Variants in PLB1 observed in about 807,000 individuals in gnomAD.
PLB1 encodes the protein phospholipase B1.
Under a neutral mutation model 227.4 loss-of-function variants are expected in PLB1, and 242 were observed. The ratio of observed to expected loss-of-function variants is 1.06; its 90% CI spans 0.96 to 1.18. The LOEUF is 1.18. Ranked by LOEUF, PLB1 falls within the 50% of genes most tolerant of loss-of-function variation. The pLI, the probability that PLB1 is intolerant of heterozygous loss-of-function variation, is 0.00. For missense variants in PLB1, 1,858 were observed against 1,816.3 expected (o/e 1.02, Z -0.42); for synonymous variants, 757 against 682.2 (o/e 1.11, Z -1.71).
At chr2:28,632,424 T>C (rs1573575577) in intron 55 of PLB1, among the ~76,000 whole-genome samples, 1 of 152,204 alleles carries the variant, frequency 6.6e-6, no homozygotes, top group African/African-American at 2.4e-5. Context: ...TGTTACTCTT[T>C]TCAACTCTTA....
intron 4 of PLB1, among the ~76,000 whole-genome samples, chr2:28,524,844 C>CTTTTTTTTTTTTT (rs779955635): frequency 9.4e-6 from 1 of 106,598 alleles, no homozygotes; most frequent in African/African-American, 3.9e-5. Context: ...CTCTCTCTCT[C>CTTTTTTTTTTTTT]TTTTTTTTTT....
rs1235761383 is a variant in PLB1, at chr2:28,582,014, TG to T, written c.1567-53del. 18 of 1,525,782 alleles carry T rather than the reference TG, an allele frequency of 1.2e-5. No homozygotes were observed. In the Admixed American group the frequency reaches 3.0e-4, roughly 26 times the overall value. The allele number at this position is 1,525,782 out of a possible 1,614,324, so 94.5% of individuals were successfully genotyped here. On this transcript the variant is annotated intron_variant, in intron 23 of 57. Transcript: ENST00000327757. Reference sequence around the variant, plus strand: ...CCCAAGAGAGAAAGTAGCCCTGTTCTGTAGAGAGATTAGGTGACAAATGGTG... The same window carrying T: ...CCCAAGAGAGAAAGTAGCCCTGTTCTTAGAGAGATTAGGTGACAAATGGTG...
At chr2:28,577,881 C>A (rs1039941527) in intron 21 of PLB1, among the ~76,000 whole-genome samples, 2 of 152,166 alleles carry the variant, frequency 1.3e-5, no homozygotes, top group Non-Finnish European at 1.5e-5. Context: ...AGAATCACCC[C>A]CTCCTACGTG....
chr2:28,585,891 G>A (rs763578939), intron 26 of PLB1, 49 bp downstream of exon 26: 26 of 1,471,382 alleles, frequency 1.8e-5, no homozygotes, highest in Middle Eastern at 1.7e-4. Flanking sequence ...TGTGTGATTC[G>A]ATTGCTCTGT....
Position 28,592,298 on chromosome 2 carries a change from A to G in PLB1, c.2189-363A>G, listed in dbSNP as rs190903055. On this transcript the variant is annotated intron_variant, in intron 31 of 57. Transcript: ENST00000327757. ...TTGATGCCCGTCTAGTTGTGCACTCAGGCCATGGCTGTCATCTCCCATGAC... is the reference window on the plus strand; with the variant it reads ...TTGATGCCCGTCTAGTTGTGCACTCGGGCCATGGCTGTCATCTCCCATGAC... Among the ~76,000 whole-genome samples the G allele has an allele frequency of 2.2e-4, 33 of 152,254 alleles. No homozygotes were observed. The East Asian group carries it at 5.0e-3, about 23-fold the overall frequency.
intron 20 of PLB1, among the ~76,000 whole-genome samples, chr2:28,567,041 G>A (rs1248398386): frequency 2.6e-5 from 4 of 151,590 alleles, no homozygotes; most frequent in Admixed American, 2.0e-4. Context: ...GGTGGAACGA[G>A]GTTCGGGGCT....
rs1187725730 is a variant in PLB1 at position 28,630,450 on chromosome 2, C to G, written c.3819-136C>G. ...TATTGTGGGGATACTTGTGTGTCAC[C>G]CCCCGCCCTAGGTAAGGCAGCACAG... On this transcript the variant is annotated intron_variant, in intron 53 of 57. Transcript: ENST00000327757. The G allele has an allele frequency of 6.3e-6, 4 of 633,588 alleles. No individual in the cohort carries two copies. The Admixed American group carries it at 1.2e-4, about 18-fold the overall frequency. 39.2% of individuals were successfully genotyped at this position (633,588 alleles called of 1,614,324 possible). A position where few individuals can be genotyped will look rare whatever the true frequency, so the allele number is the denominator to read the frequency against.
chr2:28,598,377 AG>A, intron 34 of PLB1, among the ~76,000 whole-genome samples: 1 of 152,308 alleles, frequency 6.6e-6, no homozygotes, highest in Middle Eastern at 3.4e-3. Context: ...GAGACAAATT[AG>A]GTAGTGACCC....
intron 16 of PLB1, among the ~76,000 whole-genome samples, chr2:28,552,165 G>C (rs533295516): frequency 6.6e-6 from 1 of 152,346 alleles, no homozygotes; most frequent in South Asian, 2.1e-4. Context: ...CAGAGGAAGA[G>C]AAACTAACCT....
At chr2:28,588,174 C>T (rs1681240164) in intron 26 of PLB1, among the ~76,000 whole-genome samples, 1 of 152,158 alleles carries the variant, frequency 6.6e-6, no homozygotes, top group African/African-American at 2.4e-5. Flanking sequence ...TGCCATGTGC[C>T]AGGGACTCTA....
chr2:28,510,692 C>T (rs763344713), intron 1 of PLB1, among the ~76,000 whole-genome samples: 22 of 134,222 alleles, frequency 1.6e-4, no homozygotes, highest in Non-Finnish European at 3.1e-4. Context: ...GATGTGATCA[C>T]GGCTCACTGA....
rs1412649904 is a variant in PLB1 at position 28,524,520 on chromosome 2, T to TACA, written c.244-745_244-744insAAC. 7.6e-3 allele frequency among the ~76,000 whole-genome samples: 1,151 copies of TACA among 152,286 alleles called. 14 individuals carry two copies. The highest frequency in any genetic ancestry group is 0.026 in the African/African-American group (1,069 of 41,554). On this transcript the variant is annotated intron_variant, in intron 4 of 57. Transcript: ENST00000327757. ...ATGGATTCAACATATATTTGTTAAA[T>TACA]ACTTACAACACACCCAGGCACTGTT...
chr2:28,516,992 T>C, intron 2 of PLB1, 123 bp downstream of exon 2: 2 of 928,796 alleles, frequency 2.2e-6, no homozygotes, highest in Non-Finnish European at 3.4e-6. Context: ...CTTGAGGGAA[T>C]GGGCTGGATG....
Position 28,582,411 on chromosome 2 carries a change from C to G in PLB1, c.1639C>G (p.Arg547Gly). ...TGAGTTTGCCTTTTCTCAGGTTCCTCGGGCATTTGTGAACCTGGTGACGGT... is the reference window on the plus strand; with the variant it reads ...TGAGTTTGCCTTTTCTCAGGTTCCTGGGGCATTTGTGAACCTGGTGACGGT... The part of the protein sequence containing the change: ...ALDILHAEVP[R>G]AFVNLVTVLE... The change falls in exon 25 of 58, where the codon CGG becomes GGG. Residue 547 changes from arginine to glycine, a missense_variant. Transcript: ENST00000327757. The G allele has an allele frequency of 6.2e-7, 1 of 1,612,720 alleles. No homozygotes were observed.
In PLB1 at chr2:28,604,758, C is replaced by T. The variant is rs34289907; in HGVS notation, c.2960C>T (p.Ala987Val). Residue 987 changes from alanine (A) to valine (V), a missense_variant and splice_region_variant, in exon 41 of 58, where the codon GCG (alanine) becomes GTG (valine). Ala to Val is a moderately conservative substitution (Grantham distance 64). Transcript: ENST00000327757. ...FFQNIQLPVL[A>V]DGLPDTSFFA... Reference sequence around the variant, plus strand: ...CAGAACATCCAGCTCCCTGTCCTGGCGGTATGTCCCCTGCCCTCACCCATG... The same window carrying T: ...CAGAACATCCAGCTCCCTGTCCTGGTGGTATGTCCCCTGCCCTCACCCATG... 156,523 of 1,612,714 alleles carry T rather than the reference C, an allele frequency of 0.097. 8,818 individuals are homozygous for T. The highest frequency in any genetic ancestry group is 0.11 in the Non-Finnish European group (133,717 of 1,178,830).
chr2:28,527,090 A>G (rs1670356315), intron 6 of PLB1, among the ~76,000 whole-genome samples: 1 of 152,130 alleles, frequency 6.6e-6, no homozygotes, highest in Admixed American at 6.5e-5. Context: ...GGAAAAAAGA[A>G]GCGGCTTGTT....
At chr2:28,520,164 G>A (rs1669331325) in intron 4 of PLB1, among the ~76,000 whole-genome samples, 1 of 151,832 alleles carries the variant, frequency 6.6e-6, no homozygotes, top group African/African-American at 2.4e-5. Flanking sequence ...CTGACCTCAG[G>A]TAATCTGCCC....
chr2:28,506,781 T>A (rs946440410), intron 1 of PLB1, among the ~76,000 whole-genome samples: 6 of 152,192 alleles, frequency 3.9e-5, no homozygotes, highest in Admixed American at 6.5e-5. Context: ...AGGCACCACC[T>A]TGGTGAACAG....
chr2:28,551,516 T>C (rs1674252184), intron 16 of PLB1, among the ~76,000 whole-genome samples: 1 of 152,182 alleles, frequency 6.6e-6, no homozygotes, highest in Non-Finnish European at 1.5e-5. Context: ...GGCCTGGGCT[T>C]CCACCCTGAC....
Sources: allele counts gnomAD v4.1 joint callset (sites outside exome capture counted in the v4.1 genomes callset), GRCh38; gene constraint gnomAD v4.1.1; transcripts MANE v1.5; gene names NCBI Gene and HGNC (gene_info 2026-07-23, HGNC 2026-07-21).